The following KPNA6 variants were observed in gnomAD, a reference collection of about 807,000 sequenced individuals.
KPNA6 encodes importin subunit alpha-7.
Under a neutral mutation model 72.0 loss-of-function variants are expected in KPNA6, and 9 were observed. The observed-to-expected ratio is 0.13, with a 90% confidence interval of 0.08 to 0.22. KPNA6 has a LOEUF of 0.22. Ranked by LOEUF, KPNA6 falls within the 10% of genes least tolerant of loss-of-function variation. The pLI, the probability that KPNA6 is intolerant of heterozygous loss-of-function variation, is 1.00. For missense variants in KPNA6, 374 were observed against 655.7 expected, an observed-to-expected ratio of 0.57 and a Z score of 4.69; for synonymous variants, 219 against 242.1, an observed-to-expected ratio of 0.90 and a Z score of 0.89.
intron 1 of KPNA6, among the ~76,000 whole-genome samples, chr1:32,138,437 G>A (rs1443131443): frequency 6.6e-6 from 1 of 151,916 alleles, no homozygotes; most frequent in Non-Finnish European, 1.5e-5. Flanking sequence ...CAGCTACTTG[G>A]GAGGCTGAGG....
At chr1:32,153,009 T>C (rs1340304462) in intron 1 of KPNA6, among the ~76,000 whole-genome samples, 2 of 101,558 alleles carry the variant, frequency 2.0e-5, no homozygotes, top group East Asian at 3.2e-4. Flanking sequence ...AGAGTGAGAC[T>C]CCATCTCAAA....
rs997303834 is a variant in KPNA6 at position 32,160,769 on chromosome 1, G to A, written c.647+66G>A. ...TGGCCACGTGGCAGGTCATTTGGGG[G>A]CAGCATACTTGATTCCTTAAGATGA... is the stretch of plus-strand genomic sequence containing the variant. On this transcript the variant is annotated intron_variant, in intron 7 of 13. Transcript: ENST00000373625. The A allele has an allele frequency of 4.5e-6, 5 of 1,106,662 alleles. No homozygotes were observed. The East Asian group carries it at 7.1e-5, about 16-fold the overall frequency. 68.6% of individuals were successfully genotyped at this position (1,106,662 alleles called of 1,614,324 possible). A position where few individuals can be genotyped will look rare whatever the true frequency, so the allele number is the denominator to read the frequency against.
At chr1:32,109,922 T>C (rs1018476787) in intron 1 of KPNA6, among the ~76,000 whole-genome samples, 5 of 152,104 alleles carry the variant, frequency 3.3e-5, no homozygotes, top group African/African-American at 1.2e-4. Flanking sequence ...TCCAAAGTGC[T>C]GAGATTACAA....
intron 13 of KPNA6, 56 bp from the exon 14 acceptor site, chr1:32,170,651 C>A: frequency 2.7e-6 from 4 of 1,454,698 alleles, no homozygotes; most frequent in South Asian, 2.3e-5. Context: ...GTAAATGTTT[C>A]ACCTGCCCAT....
At chr1:32,165,704 G>T (rs1234451761) in intron 10 of KPNA6, among the ~76,000 whole-genome samples, 1 of 149,822 alleles carries the variant, frequency 6.7e-6, no homozygotes, top group Non-Finnish European at 1.5e-5. Context: ...CCTATTTAAA[G>T]AAAAAAAATG....
chr1:32,152,389 C>G (rs1642046875), intron 1 of KPNA6, among the ~76,000 whole-genome samples: 1 of 152,080 alleles, frequency 6.6e-6, no homozygotes, highest in Non-Finnish European at 1.5e-5. Context: ...ACATGATATT[C>G]AGAAAGCCAT....
chr1:32,113,068 G>A (rs1641267311), intron 1 of KPNA6, among the ~76,000 whole-genome samples: 1 of 152,012 alleles, frequency 6.6e-6, no homozygotes, highest in Non-Finnish European at 1.5e-5. Context: ...CTCAAACCCT[G>A]CCACTGCTTT....
intron 1 of KPNA6, among the ~76,000 whole-genome samples, chr1:32,132,322 A>G (rs1325082399): frequency 2.6e-5 from 4 of 151,040 alleles, no homozygotes; most frequent in African/African-American, 9.7e-5. Context: ...TGTTTGAGAC[A>G]GTATCTCACT....
Position 32,167,182 on chromosome 1 carries a change from C to A in KPNA6, c.1130C>A (p.Ala377Glu), listed in dbSNP as rs763107393. 6.2e-7 allele frequency: 1 copy of A among 1,613,946 alleles called. No individual in the cohort carries two copies. The highest frequency in any genetic ancestry group is 8.5e-7 in the Non-Finnish European group (1 of 1,179,914). Reference protein sequence around the residue: ...NRAQIQAVIDANIFPVLIEIL... With the variant: ...NRAQIQAVIDENIFPVLIEIL... The stretch of plus-strand genomic sequence containing the variant: ...ATTCTCTCTCAGGCTGTTATAGATG[C>A]AAATATCTTCCCTGTGTTGATCGAA... Residue 377 changes from alanine (A) to glutamate (E), a missense_variant, in exon 12 of 14, where the codon GCA becomes GAA. Transcript: ENST00000373625.
intron 9 of KPNA6, among the ~76,000 whole-genome samples, chr1:32,163,005 G>C (rs1642267488): frequency 6.6e-6 from 1 of 151,540 alleles, no homozygotes; most frequent in Non-Finnish European, 1.5e-5. Flanking sequence ...TCGGGAGGCT[G>C]AGGCAGGAGA....
At chr1:32,169,445 T>C (rs936169518) in intron 12 of KPNA6, among the ~76,000 whole-genome samples, 2 of 148,772 alleles carry the variant, frequency 1.3e-5, no homozygotes, top group African/African-American at 2.5e-5. Context: ...TTTTTTCTTT[T>C]CTTTTCTTTT....
intron 1 of KPNA6, among the ~76,000 whole-genome samples, chr1:32,143,973 T>G (rs1641886882): frequency 6.6e-6 from 1 of 152,212 alleles, no homozygotes; most frequent in Admixed American, 6.5e-5. Context: ...CCTTGCCTTA[T>G]CCACAGGCAA....
intron 10 of KPNA6, among the ~76,000 whole-genome samples, chr1:32,164,897 T>C (rs1305721858): frequency 6.6e-6 from 1 of 152,034 alleles, no homozygotes; most frequent in Admixed American, 6.6e-5. Context: ...ACTTTTAACT[T>C]ATTTAATTTT....
rs957338880 is a variant in KPNA6, at chr1:32,175,981, C to T, written c.*5087C>T. The T allele has an allele frequency of 1.3e-5, 2 of 151,628 alleles. No homozygotes were observed. The highest frequency in any genetic ancestry group is 4.9e-5 in the African/African-American group (2 of 41,222). The allele number at this position is 151,628 out of a possible 1,614,324, so 9.4% of individuals were successfully genotyped here. A position where few individuals can be genotyped will look rare whatever the true frequency, so the allele number is the denominator to read the frequency against. The stretch of plus-strand genomic sequence containing the variant: ...ATAAGCCAGGTGTGGTGGTGGGCAC[C>T]TGTGATCTCAGCTACGTGGGAGGCT... On this transcript the variant is annotated 3_prime_UTR_variant, in exon 14 of 14. Transcript: ENST00000373625.
At chr1:32,144,555 T>C (rs551444577) in intron 1 of KPNA6, among the ~76,000 whole-genome samples, 25 of 152,310 alleles carry the variant, frequency 1.6e-4, no homozygotes, top group African/African-American at 5.1e-4. Flanking sequence ...TCCATTCTTA[T>C]CAGCAATCCA....
chr1:32,171,080 A>G lies in KPNA6; in HGVS notation c.*186A>G, dbSNP rs933535894. 4 of 590,246 alleles carry G rather than the reference A, an allele frequency of 6.8e-6. No homozygotes were observed. In the African/African-American group the frequency reaches 7.4e-5, roughly 11 times the overall value. The allele number at this position is 590,246 out of a possible 1,614,324, so 36.6% of individuals were successfully genotyped here. On this transcript the variant is annotated 3_prime_UTR_variant, in exon 14 of 14. Coordinates refer to ENST00000373625, the MANE Select transcript of KPNA6 (RefSeq NM_012316.5). The stretch of plus-strand genomic sequence containing the variant: ...GAGCACCCTCTGGACAGACAGAACC[A>G]TCTGAGGCTCACCTTTGGGTTTTGT...
intron 13 of KPNA6, 78 bp downstream of exon 13, chr1:32,170,138 C>T (rs1166071316): frequency 9.7e-6 from 13 of 1,338,940 alleles, no homozygotes; most frequent in Middle Eastern, 1.9e-4. Context: ...TTGGTGGTGG[C>T]GGAGTGTGGG....
At chr1:32,146,152 G>C (rs1641925596) in intron 1 of KPNA6, among the ~76,000 whole-genome samples, 1 of 152,074 alleles carries the variant, frequency 6.6e-6, no homozygotes, top group Non-Finnish European at 1.5e-5. Context: ...GTTACTTATC[G>C]ATCTTCTGTC....
Position 32,174,094 on chromosome 1 carries a change from C to G in KPNA6, c.*3200C>G, listed in dbSNP as rs1264164370. 6.6e-6 allele frequency: 1 copy of G among 152,282 alleles called. No individual in the cohort carries two copies. The highest frequency in any genetic ancestry group is 6.5e-5 in the Admixed American group (1 of 15,282). The allele number at this position is 152,282 out of a possible 1,614,324, so 9.4% of individuals were successfully genotyped here. On this transcript the variant is annotated 3_prime_UTR_variant, in exon 14 of 14. Transcript: ENST00000373625. The stretch of plus-strand genomic sequence containing the variant: ...TGGCCTTGATGTTGGCTGCAGCCTT[C>G]TGATAGAACCACATGGATTCCACCC...
Sources: allele counts gnomAD v4.1 joint callset (sites outside exome capture counted in the v4.1 genomes callset), GRCh38; gene constraint gnomAD v4.1.1; transcripts MANE v1.5; gene names NCBI Gene and HGNC (gene_info 2026-07-23, HGNC 2026-07-21).